Variants in RFX1 observed in about 807,000 individuals in gnomAD.
RFX1 encodes MHC class II regulatory factor RFX1.
RFX1 carries 42 observed loss-of-function variants against 119.6 expected under a neutral mutation model. That is an observed-to-expected ratio of 0.35 (90% CI 0.27 to 0.45). RFX1 has a LOEUF of 0.45. Ranked by LOEUF, RFX1 falls within the 20% of genes least tolerant of loss-of-function variation. The pLI is 1.00. For synonymous variants in RFX1, 628 were observed against 618.5 expected, an observed-to-expected ratio of 1.02 and a Z score of -0.23; for missense variants, 1,118 against 1,368.1, an observed-to-expected ratio of 0.82 and a Z score of 2.88.
At chr19:14,002,119 A>G (rs1211266633) in intron 1 of RFX1, among the ~76,000 whole-genome samples, 2 of 144,426 alleles carry the variant, frequency 1.4e-5, no homozygotes, top group African/African-American at 5.1e-5. Flanking sequence ...CTGGGCAACA[A>G]GAGAGACACT....
rs1157451351 is a variant in RFX1, at chr19:13,986,680, G to GC, written c.320-3086dup. Among the ~76,000 whole-genome samples the GC allele has an allele frequency of 1.3e-5, 2 of 152,154 alleles. No homozygotes were observed. The highest frequency in any genetic ancestry group is 2.9e-5 in the Non-Finnish European group (2 of 68,004). ...GCCCCCACTGTCTCAGGAAACGGCG[G>GC]CCGATTTCCTGTCTCTGAATCTGAC... is the stretch of plus-strand genomic sequence containing the variant. On this transcript the variant is annotated intron_variant, in intron 2 of 20. Transcript: ENST00000254325. The surrounding 1 kb of genome is among the most constrained non-coding windows in gnomAD (Gnocchi z 4.2).
chr19:13,984,611 C>A lies in RFX1; in HGVS notation c.320-1016G>T, dbSNP rs566921048. On this transcript the variant is annotated intron_variant, in intron 2 of 20. Coordinates refer to ENST00000254325, the MANE Select transcript of RFX1 (RefSeq NM_002918.5). ...CCAGCTGGGACACCATCCATCCCATCCCCTCCATGTGACCTGGCATACCCC... is the reference window on the plus strand; with the variant it reads ...CCAGCTGGGACACCATCCATCCCATACCCTCCATGTGACCTGGCATACCCC... Among the ~76,000 whole-genome samples, 5 of 152,252 alleles carry A rather than the reference C, an allele frequency of 3.3e-5. No individual in the cohort carries two copies. The East Asian group carries it at 9.7e-4, about 29-fold the overall frequency.
chr19:13,996,718 CTTTTTTT>C (rs767281958), intron 1 of RFX1, among the ~76,000 whole-genome samples: 4 of 114,406 alleles, frequency 3.5e-5, no homozygotes, highest in Non-Finnish European at 3.6e-5. Context: ...GGCTCATTTG[CTTTTTTT>C]TTTTTTTTTT....
At chr19:13,978,493 G>T (rs1322421507) in intron 7 of RFX1, among the ~76,000 whole-genome samples, 2 of 152,346 alleles carry the variant, frequency 1.3e-5, no homozygotes, top group Admixed American at 6.5e-5. Flanking sequence ...GCCCCGGTTG[G>T]TGGGACAGAA....
rs1568460919 is a variant in RFX1 at position 13,969,153 on chromosome 19, T to C, written c.1497-259A>G. On this transcript the variant is annotated intron_variant, in intron 10 of 20. Transcript: ENST00000254325. This position sits in a 1 kb window ranked among gnomAD's most constrained non-coding sequence, Gnocchi z 4.5. ...AACGAGGTGACGCTGAAGCTGGGAA[T>C]GGGAACCGAGACGTGAGCGGAGGTG... Among the ~76,000 whole-genome samples the C allele has an allele frequency of 6.6e-6, 1 of 151,964 alleles. No individual in the cohort carries two copies. The highest frequency in any genetic ancestry group is 1.5e-5 in the Non-Finnish European group (1 of 67,996).
Position 13,969,784 on chromosome 19 carries a change from T to G in RFX1, c.1496+210A>C, listed in dbSNP as rs1042178645. 5 of 480,974 alleles carry G rather than the reference T, an allele frequency of 1.0e-5. No homozygotes were observed. Among genetic ancestry groups the G allele is most frequent in the African/African-American group, 9.8e-5 (5 of 50,984 alleles). 29.8% of individuals were successfully genotyped at this position (480,974 alleles called of 1,614,324 possible). A position where few individuals can be genotyped will look rare whatever the true frequency, so the allele number is the denominator to read the frequency against. ...TTTTAGTTGAGGCAGTCAGGGGACGTGCAAGTAAGGAGGGGTGAGAAGCAC... is the reference window on the plus strand; with the variant it reads ...TTTTAGTTGAGGCAGTCAGGGGACGGGCAAGTAAGGAGGGGTGAGAAGCAC... On this transcript the variant is annotated intron_variant, in intron 10 of 20. Coordinates refer to ENST00000254325, the MANE Select transcript of RFX1 (RefSeq NM_002918.5). The surrounding 1 kb of genome is among the most constrained non-coding windows in gnomAD (Gnocchi z 4.5).
upstream of RFX1, chr19:14,006,462 C>T (rs1975386111): frequency 6.6e-6 from 1 of 152,232 alleles, no homozygotes. Flanking sequence ...CTCTGGACTT[C>T]CCGGCGATCT....
rs1176479678 is a variant in RFX1, at chr19:13,983,602, G to A, written c.320-7C>T. ...CTGGCCCGCATGGCACCTTCTGTGG[G>A]GAGGGGCCACCAGGTCAGTTCTTCC... On this transcript the variant is annotated splice_polypyrimidine_tract_variant and splice_region_variant and intron_variant, in intron 2 of 20. Transcript: ENST00000254325. The A allele has an allele frequency of 6.3e-7, 1 of 1,590,364 alleles. No homozygotes were observed. The highest frequency in any genetic ancestry group is 8.5e-7 in the Non-Finnish European group (1 of 1,170,868).
At chr19:13,988,320 C>T (rs1049134647) in intron 2 of RFX1, among the ~76,000 whole-genome samples, 1 of 152,178 alleles carries the variant, frequency 6.6e-6, no homozygotes. Context: ...CTTTGAAGCA[C>T]CAGGGCCCCC....
In RFX1 at chr19:13,980,740, T is replaced by TCTGGGGTGGGCTCGCATCCTCA; in HGVS notation, c.622-52_622-51insTGAGGATGCGAGCCCACCCCAG. ...GCCGCTGGGGTGGGCTTGCATCCTC[T>TCTGGGGTGGGCTCGCATCCTCA]CTGAGGTGGGCTCACACACACACCC... On this transcript the variant is annotated intron_variant, in intron 5 of 20. Transcript: ENST00000254325. The surrounding 1 kb of genome is among the most constrained non-coding windows in gnomAD (Gnocchi z 5.1). The TCTGGGGTGGGCTCGCATCCTCA allele has an allele frequency of 7.3e-7, 1 of 1,372,610 alleles. No individual in the cohort carries two copies. The highest frequency in any genetic ancestry group is 1.0e-6 in the Non-Finnish European group (1 of 986,730). 85.0% of individuals were successfully genotyped at this position (1,372,610 alleles called of 1,614,324 possible).
At position 13,966,711 on chromosome 19, in the gene RFX1, G is replaced by C. The variant is rs1436967956; in HGVS notation, c.1773C>G (p.Leu591=). 1 of 1,611,458 alleles carries C rather than the reference G, an allele frequency of 6.2e-7. No individual in the cohort carries two copies. The highest frequency in any genetic ancestry group is 8.5e-7 in the Non-Finnish European group (1 of 1,179,084). Residue 591 remains leucine (L), a synonymous_variant, in exon 13 of 21, where the codon CTC becomes CTG. Transcript: ENST00000254325. This position sits in a 1 kb window ranked among gnomAD's most constrained non-coding sequence, Gnocchi z 6.3. ...RSLPDFTELD[L]QGKVLPEGVG... ...CGCCCTCAGGCAGCACCTTGCCCTG[G>C]AGGTCGAGCTCTGTGAAGTCAGGGA...
Position 13,985,189 on chromosome 19 carries a change from T to C in RFX1, c.320-1594A>G, listed in dbSNP as rs1974553829. Among the ~76,000 whole-genome samples, 1 of 151,760 alleles carries C rather than the reference T, an allele frequency of 6.6e-6. No individual in the cohort carries two copies. The highest frequency in any genetic ancestry group is 1.5e-5 in the Non-Finnish European group (1 of 67,926). On this transcript the variant is annotated intron_variant, in intron 2 of 20. Transcript: ENST00000254325. The surrounding 1 kb of genome is among the most constrained non-coding windows in gnomAD (Gnocchi z 4.3). The stretch of plus-strand genomic sequence containing the variant: ...CAGTAAGAGCTTTCCGGGATTTTTT[T>C]TTTTTTTTGAGACAGGGTCTCACAG...
chr19:13,977,010 A>G (rs963559205), intron 8 of RFX1, among the ~76,000 whole-genome samples: 8 of 148,980 alleles, frequency 5.4e-5, no homozygotes, highest in Non-Finnish European at 1.2e-4. Context: ...AAAACAGAAA[A>G]AAAAAGTCCA....
intron 1 of RFX1, among the ~76,000 whole-genome samples, chr19:14,000,245 G>C (rs1229506456): frequency 6.6e-6 from 1 of 152,104 alleles, no homozygotes; most frequent in South Asian, 2.1e-4. Context: ...CAGCACTTTG[G>C]AAGGCTGAGG....
rs951951549 is a variant in RFX1 at position 13,978,042 on chromosome 19, G to T, written c.879C>A (p.Ser293Arg). 1 of 1,613,534 alleles carries T rather than the reference G, an allele frequency of 6.2e-7. No individual in the cohort carries two copies. The highest frequency in any genetic ancestry group is 1.3e-5 in the African/African-American group (1 of 74,908). Residue 293 changes from serine (S) to arginine (R), a missense_variant, in exon 8 of 21, where the codon AGC (serine) becomes AGA (arginine). Ser to Arg is a moderately radical substitution (Grantham distance 110). Transcript: ENST00000254325. ...QQVPVPHVYS[S>R]QVQYVEGGDA... ...CGCCGCCCTCCACATACTGCACCTG[G>T]CTGGAGTACACGTGTGGGACGGGCA...
Position 13,965,381 on chromosome 19 carries a change from C to T in RFX1, c.2211+68G>A. The T allele has an allele frequency of 7.0e-7, 1 of 1,431,352 alleles. No homozygotes were observed. The highest frequency in any genetic ancestry group is 9.8e-7 in the Non-Finnish European group (1 of 1,024,184). The allele number at this position is 1,431,352 out of a possible 1,614,324, so 88.7% of individuals were successfully genotyped here. On this transcript the variant is annotated intron_variant, in intron 16 of 20. Coordinates refer to ENST00000254325, the MANE Select transcript of RFX1 (RefSeq NM_002918.5). The surrounding 1 kb of genome is among the most constrained non-coding windows in gnomAD (Gnocchi z 4.7). ...GGCGTGGGGACAAATTTTACCGCCC[C>T]TGGGGAGCAGAGGAGACGGAGGCCT...
At position 13,983,598 on chromosome 19, in the gene RFX1, G is replaced by T. The variant is rs1238089579; in HGVS notation, c.320-3C>A. On this transcript the variant is annotated splice_polypyrimidine_tract_variant and splice_region_variant and intron_variant, in intron 2 of 20. Transcript: ENST00000254325. ...CTCGCTGGCCCGCATGGCACCTTCTGTGGGGAGGGGCCACCAGGTCAGTTC... is the reference window on the plus strand; with the variant it reads ...CTCGCTGGCCCGCATGGCACCTTCTTTGGGGAGGGGCCACCAGGTCAGTTC... 1.3e-6 allele frequency: 2 copies of T among 1,591,656 alleles called. No individual in the cohort carries two copies. The highest frequency in any genetic ancestry group is 2.7e-5 in the African/African-American group (2 of 74,708).
intron 9 of RFX1, among the ~76,000 whole-genome samples, chr19:13,971,700 G>A (rs1473568575): frequency 6.6e-6 from 1 of 151,990 alleles, no homozygotes; most frequent in African/African-American, 2.4e-5. Context: ...GTGAGATCCT[G>A]TCTCTACAAA....
chr19:13,972,425 T>C (rs31603), intron 9 of RFX1, among the ~76,000 whole-genome samples: 151,212 of 152,246 alleles, frequency 0.99, 75,149 homozygotes, highest in Middle Eastern at 1. Context: ...AACTCCTGAC[T>C]TCAGGTGATC....
Sources: gnomAD v4.1 joint callset for allele counts (sites outside exome capture counted in the v4.1 genomes callset) on GRCh38, gnomAD v4.1.1 for gene constraint, Gnocchi (gnomAD v3.1) non-coding constraint, MANE v1.5 for transcripts, NCBI Gene and HGNC (gene_info 2026-07-23, HGNC 2026-07-21) for gene names.